The following LIN52 variants were observed in gnomAD, a reference collection of about 807,000 sequenced individuals.
LIN52 encodes the protein protein lin-52 homolog.
In LIN52, 4 loss-of-function variants were observed where a neutral mutation model predicts 18.5. The observed-to-expected ratio is 0.22, with a 90% CI of 0.11 to 0.49. The LOEUF is 0.49. Among genes scored for constraint, LIN52 ranks in the 20% least tolerant of loss-of-function variants. The probability of loss-of-function intolerance (pLI) is 0.97; values close to 1 mark genes in which losing one functional copy is unlikely to be tolerated. For missense variants in LIN52, 102 were observed against 139.5 expected, an observed-to-expected ratio of 0.73 and a Z score of 1.35; for synonymous variants, 34 against 45.5, an observed-to-expected ratio of 0.75 and a Z score of 1.02.
intron 5 of LIN52, among the ~76,000 whole-genome samples, chr14:74,105,359 T>A (rs925491117): frequency 3.3e-5 from 5 of 152,354 alleles, no homozygotes; most frequent in Non-Finnish European, 7.3e-5. Context: ...CAGCTGAGAT[T>A]GTTCAGAATT....
chr14:74,176,197 CT>C (rs1404999157), intron 5 of LIN52, among the ~76,000 whole-genome samples: 1 of 152,136 alleles, frequency 6.6e-6, no homozygotes, highest in Non-Finnish European at 1.5e-5. Flanking sequence ...GAGCCATGCT[CT>C]GTCACCCAGG....
At chr14:74,198,861 C>T in intron 5 of LIN52, 61 bp from the exon 6 acceptor site, 5 of 1,205,142 alleles carry the variant, frequency 4.1e-6, no homozygotes, top group Admixed American at 1.7e-5. Context: ...TTAAATCTTC[C>T]TATGATTCTT....
At chr14:74,174,206 C>T (rs1251145137) in intron 5 of LIN52, among the ~76,000 whole-genome samples, 2 of 152,176 alleles carry the variant, frequency 1.3e-5, no homozygotes, top group Non-Finnish European at 2.9e-5. Flanking sequence ...TCATATGTTG[C>T]TTAACTCTGG....
chr14:74,156,156 A>G (rs549303061), intron 5 of LIN52, among the ~76,000 whole-genome samples: 2 of 152,210 alleles, frequency 1.3e-5, no homozygotes, highest in Non-Finnish European at 2.9e-5. Flanking sequence ...TTGTCCTCCT[A>G]TTTTAAGCCA....
intron 5 of LIN52, among the ~76,000 whole-genome samples, chr14:74,104,409 G>C (rs1020053479): frequency 6.6e-6 from 1 of 151,916 alleles, no homozygotes; most frequent in African/African-American, 2.4e-5. Flanking sequence ...TTTTTAGCCT[G>C]TCATACTTCC....
chr14:74,122,874 AC>A (rs1318410939), intron 5 of LIN52, among the ~76,000 whole-genome samples: 2 of 143,500 alleles, frequency 1.4e-5, no homozygotes, highest in Non-Finnish European at 3.1e-5. Context: ...TCTCAAAAAA[AC>A]AAAACAAACA....
chr14:74,169,291 CT>C (rs1298732544), intron 5 of LIN52, among the ~76,000 whole-genome samples: 1 of 152,160 alleles, frequency 6.6e-6, no homozygotes, highest in Non-Finnish European at 1.5e-5. Flanking sequence ...AGTAAACCTT[CT>C]TCTTTAATAT....
chr14:74,117,526 T>C (rs532847463), intron 5 of LIN52, among the ~76,000 whole-genome samples: 1 of 152,108 alleles, frequency 6.6e-6, no homozygotes, highest in East Asian at 1.9e-4. Flanking sequence ...AAAGAGGTGA[T>C]GAGAACTAAA....
chr14:74,126,609 A>T (rs1365078926), intron 5 of LIN52, among the ~76,000 whole-genome samples: 1 of 152,248 alleles, frequency 6.6e-6, no homozygotes, highest in Non-Finnish European at 1.5e-5. Context: ...AAAATATTAT[A>T]CTATATGAAG....
intron 5 of LIN52, among the ~76,000 whole-genome samples, chr14:74,176,155 T>C (rs541692074): frequency 3.3e-5 from 5 of 152,324 alleles, no homozygotes; most frequent in African/African-American, 1.2e-4. Flanking sequence ...AGGAGCTGCC[T>C]GAGGCTGTTT....
At chr14:74,098,284 C>A (rs561682868) in intron 4 of LIN52, among the ~76,000 whole-genome samples, 1 of 151,952 alleles carries the variant, frequency 6.6e-6, no homozygotes, top group African/African-American at 2.4e-5. Context: ...TTTGGGAGGC[C>A]GAGGTGGGTG....
chr14:74,150,867 G>A (rs1207348406), intron 5 of LIN52, among the ~76,000 whole-genome samples: 3 of 151,980 alleles, frequency 2.0e-5, no homozygotes, highest in African/African-American at 7.3e-5. Context: ...GAAGATGAAG[G>A]AAACCAACCC....
chr14:74,188,390 C>CT (rs1243892779), intron 5 of LIN52, among the ~76,000 whole-genome samples: 2 of 152,038 alleles, frequency 1.3e-5, no homozygotes, highest in African/African-American at 4.8e-5. Context: ...TTTGATGTAT[C>CT]TTGGGCCTCA....
At chr14:74,171,819 A>G (rs1353419836) in intron 5 of LIN52, among the ~76,000 whole-genome samples, 2 of 145,418 alleles carry the variant, frequency 1.4e-5, no homozygotes, top group East Asian at 2.1e-4. Flanking sequence ...GCTCACTGCA[A>G]CCTCCACCTC....
chr14:74,186,973 G>A (rs551497918), intron 5 of LIN52, among the ~76,000 whole-genome samples: 6 of 152,162 alleles, frequency 3.9e-5, no homozygotes, highest in South Asian at 2.1e-4. Flanking sequence ...GAGCTACTCC[G>A]AAGTCTGAGA....
chr14:74,117,872 A>G (rs1464849965), intron 5 of LIN52, among the ~76,000 whole-genome samples: 1 of 152,246 alleles, frequency 6.6e-6, no homozygotes, highest in Non-Finnish European at 1.5e-5. Flanking sequence ...TAAGAGAAGT[A>G]TCTCTAACTG....
intron 5 of LIN52, among the ~76,000 whole-genome samples, chr14:74,149,277 A>G (rs537484382): frequency 1.8e-4 from 28 of 152,330 alleles, no homozygotes; most frequent in South Asian, 1.4e-3. Flanking sequence ...GCAGTGTTTT[A>G]TAACCCTCAG....
At chr14:74,104,198 GCTA>G (rs2060882340) in intron 5 of LIN52, among the ~76,000 whole-genome samples, 1 of 152,068 alleles carries the variant, frequency 6.6e-6, no homozygotes, top group African/African-American at 2.4e-5. Flanking sequence ...CGCCCAGCTG[GCTA>G]CTGTTATTTT....
chr14:74,135,210 G>A (rs1428586382), intron 5 of LIN52, among the ~76,000 whole-genome samples: 1 of 152,078 alleles, frequency 6.6e-6, no homozygotes, highest in East Asian at 1.9e-4. Flanking sequence ...TCCTACAGTC[G>A]CGTACCACCA....
Sources: allele counts gnomAD v4.1 joint callset (sites outside exome capture counted in the v4.1 genomes callset), GRCh38; gene constraint gnomAD v4.1.1; transcripts MANE v1.5; gene names NCBI Gene and HGNC (gene_info 2026-07-23, HGNC 2026-07-21).